ERC1: variants seen among roughly 807,000 people sequenced by gnomAD.
The protein encoded by ERC1 is ELKS/RAB6-interacting/CAST family member 1.
ERC1 carries 56 observed loss-of-function variants against 132.0 expected under a neutral mutation model. The observed-to-expected ratio is 0.42, with a 90% CI of 0.34 to 0.53. The LOEUF (loss-of-function observed/expected upper bound fraction) is 0.53. Among genes scored for constraint, ERC1 ranks in the 20% least tolerant of loss-of-function variants. ERC1 has a pLI of 0.03. For missense variants in ERC1, 1,202 were observed against 1,349.9 expected (o/e 0.89, Z 1.72); for synonymous variants, 478 against 476.1 (o/e 1.00, Z -0.05).
intron 1 of ERC1, among the ~76,000 whole-genome samples, chr12:1,024,241 T>C (rs1966768508): frequency 6.6e-6 from 1 of 152,014 alleles, no homozygotes; most frequent in Admixed American, 6.6e-5. Flanking sequence ...ATTAGCTGGG[T>C]GTGCTGATGC....
intron 15 of ERC1, among the ~76,000 whole-genome samples, chr12:1,364,691 G>A (rs1012739298): frequency 1.3e-5 from 2 of 152,180 alleles, no homozygotes; most frequent in East Asian, 3.8e-4. Context: ...TCTCTCTGCT[G>A]TACTACCTCA....
chr12:1,418,666 T>TTTTCTTTCTTTCTTTCTTTCTTTC (rs202159587), intron 17 of ERC1, among the ~76,000 whole-genome samples: 2 of 86,792 alleles, frequency 2.3e-5, no homozygotes, highest in African/African-American at 5.1e-5. Context: ...TCTCTCTTTC[T>TTTTCTTTCTTTCTTTCTTTCTTTC]TTTCTTTCTT....
At chr12:1,195,472 G>A (rs1300995579) in intron 12 of ERC1, among the ~76,000 whole-genome samples, 1 of 152,128 alleles carries the variant, frequency 6.6e-6, no homozygotes, top group African/African-American at 2.4e-5. Flanking sequence ...CAGGATAATA[G>A]CATTCTCTTT....
Position 1,387,316 on chromosome 12 carries a change from T to G in ERC1, c.2925+15339T>G, listed in dbSNP as rs575110282. Among the ~76,000 whole-genome samples, 8 of 152,278 alleles carry G rather than the reference T, an allele frequency of 5.3e-5. No homozygotes were observed. The South Asian group carries it at 1.5e-3, about 28-fold the overall frequency. Reference sequence around the variant, plus strand: ...TGGGGATACTGGAATGGGGTGAACCTATGTTGTGTATGGGACAGATAAGAA... The same window carrying G: ...TGGGGATACTGGAATGGGGTGAACCGATGTTGTGTATGGGACAGATAAGAA... On this transcript the variant is annotated intron_variant, in intron 16 of 18. Coordinates refer to ENST00000360905, the MANE Select transcript of ERC1 (RefSeq NM_178040.4).
intron 2 of ERC1, among the ~76,000 whole-genome samples, chr12:1,076,541 C>G (rs35580664): frequency 1.8e-4 from 28 of 151,598 alleles, no homozygotes; most frequent in Non-Finnish European, 3.7e-4. Flanking sequence ...TTTACAGGCG[C>G]GCACCACCAT....
At chr12:1,163,337 A>G (rs1952053084) in intron 8 of ERC1, among the ~76,000 whole-genome samples, 1 of 152,186 alleles carries the variant, frequency 6.6e-6, no homozygotes, top group Non-Finnish European at 1.5e-5. Context: ...CACTTCCAGA[A>G]CACTCCTCTC....
At chr12:1,119,798 C>T (rs887803089) in intron 7 of ERC1, among the ~76,000 whole-genome samples, 2 of 152,028 alleles carry the variant, frequency 1.3e-5, no homozygotes, top group East Asian at 1.9e-4. Flanking sequence ...GATCTGTCCT[C>T]CTCAGCCACC....
intron 15 of ERC1, among the ~76,000 whole-genome samples, chr12:1,313,059 C>G (rs1314911737): frequency 6.6e-6 from 1 of 152,012 alleles, no homozygotes; most frequent in Non-Finnish European, 1.5e-5. Context: ...TATTAATAGG[C>G]AATTTGGGGC....
intron 15 of ERC1, among the ~76,000 whole-genome samples, chr12:1,339,652 G>A (rs1008617420): frequency 6.6e-6 from 1 of 152,210 alleles, no homozygotes; most frequent in African/African-American, 2.4e-5. Flanking sequence ...AGTGGCAGAG[G>A]CAGCTCAGCC....
At chr12:1,221,831 A>G (rs1772524825) in intron 12 of ERC1, among the ~76,000 whole-genome samples, 1 of 152,138 alleles carries the variant, frequency 6.6e-6, no homozygotes, top group South Asian at 2.1e-4. Flanking sequence ...AGGTAAAATG[A>G]GAGAGAGTGT....
intron 14 of ERC1, among the ~76,000 whole-genome samples, chr12:1,269,693 A>G (rs2154330168): frequency 6.6e-6 from 1 of 152,342 alleles, no homozygotes; most frequent in East Asian, 1.9e-4. Context: ...TGAGGTATGC[A>G]CACACCTGAA....
chr12:1,386,141 G>A (rs1173305379), intron 16 of ERC1: 2 of 147,250 alleles, frequency 1.4e-5, no homozygotes, highest in East Asian at 4.1e-4. Flanking sequence ...CTGGGTTCAA[G>A]CGATTCTCCT....
In ERC1 at chr12:1,492,477, C is replaced by T. The variant is rs143209540; in HGVS notation, c.*2247C>T. ...ACGGGCACTGGCCAGCTGCTCTCTC[C>T]AAGCAGGTGGCCCAGATCCCACCCA... On this transcript the variant is annotated 3_prime_UTR_variant, in exon 19 of 19. Transcript: ENST00000360905. 2 of 233,318 alleles carry T rather than the reference C, an allele frequency of 8.6e-6. No homozygotes were observed. The highest frequency in any genetic ancestry group is 2.2e-5 in the African/African-American group (1 of 45,470). The allele number at this position is 233,318 out of a possible 1,614,324, so 14.5% of individuals were successfully genotyped here. A position where few individuals can be genotyped will look rare whatever the true frequency, so the allele number is the denominator to read the frequency against.
intron 16 of ERC1, among the ~76,000 whole-genome samples, chr12:1,405,653 G>A (rs938706741): frequency 2.0e-5 from 3 of 152,204 alleles, no homozygotes; most frequent in South Asian, 4.2e-4. Flanking sequence ...CAGTGAGCCA[G>A]GATCACGCCA....
chr12:1,263,249 C>A, intron 14 of ERC1, 84 bp downstream of exon 14: 2 of 1,373,752 alleles, frequency 1.5e-6, no homozygotes, highest in African/African-American at 1.4e-5. Context: ...GTAAACTATA[C>A]ATATTGTATG....
chr12:1,423,611 A>T (rs778794279), intron 17 of ERC1, among the ~76,000 whole-genome samples: 2 of 152,204 alleles, frequency 1.3e-5, no homozygotes, highest in Non-Finnish European at 2.9e-5. Context: ...AGTCTGTCAG[A>T]TCCTCCCTGT....
chr12:1,008,574 G>A (rs1050573238), intron 1 of ERC1, among the ~76,000 whole-genome samples: 6 of 151,938 alleles, frequency 3.9e-5, no homozygotes, highest in South Asian at 4.1e-4. Context: ...ACCATGCCCG[G>A]CCACATTATT....
rs1057212719 is a variant in ERC1, at chr12:1,491,948, T to G, written c.*1718T>G. The G allele has an allele frequency of 8.2e-5, 19 of 232,612 alleles. No homozygotes were observed. Among genetic ancestry groups the G allele is most frequent in the Non-Finnish European group, 8.5e-6 (1 of 117,728 alleles). 14.4% of individuals were successfully genotyped at this position (232,612 alleles called of 1,614,324 possible). Reference sequence around the variant, plus strand: ...AGAGTTGCTGGACTCGATGTTTTTGTTTTGCATTTTCTCCTCTCCTTCCCC... The same window carrying G: ...AGAGTTGCTGGACTCGATGTTTTTGGTTTGCATTTTCTCCTCTCCTTCCCC... On this transcript the variant is annotated 3_prime_UTR_variant, in exon 19 of 19. Coordinates refer to ENST00000360905, the MANE Select transcript of ERC1 (RefSeq NM_178040.4).
chr12:1,171,827 A>G (rs1953097564), intron 8 of ERC1, among the ~76,000 whole-genome samples: 1 of 152,182 alleles, frequency 6.6e-6, no homozygotes, highest in Non-Finnish European at 1.5e-5. Flanking sequence ...AATCAGTTCC[A>G]CTTGACTGGA....
Sources: allele counts gnomAD v4.1 joint callset (sites outside exome capture counted in the v4.1 genomes callset), GRCh38; gene constraint gnomAD v4.1.1; transcripts MANE v1.5; gene names NCBI Gene and HGNC (gene_info 2026-07-23, HGNC 2026-07-21).